GRM3: variants seen among roughly 807,000 people sequenced by gnomAD.
GRM3 encodes metabotropic glutamate receptor 3.
Under a neutral mutation model 70.5 loss-of-function variants are expected in GRM3, and 26 were observed. The ratio of observed to expected loss-of-function variants is 0.37; its 90% CI spans 0.27 to 0.51. The LOEUF (loss-of-function observed/expected upper bound fraction) is 0.51, where lower values mean the gene tolerates loss of function less well. GRM3 is among the 20% of genes least tolerant of loss of function. GRM3 has a pLI of 0.93. For synonymous variants in GRM3, 443 were observed against 434.9 expected, an observed-to-expected ratio of 1.02 and a Z score of -0.23; for missense variants, 859 against 1,123.8, an observed-to-expected ratio of 0.76 and a Z score of 3.37.
At chr7:86,707,140 A>G (rs1424526148) in intron 1 of GRM3, among the ~76,000 whole-genome samples, 1 of 152,124 alleles carries the variant, frequency 6.6e-6, no homozygotes, top group African/African-American at 2.4e-5. Context: ...CACTTTCCAC[A>G]TCTTGAATTT....
chr7:86,739,583 C>G (rs188384957), intron 1 of GRM3, among the ~76,000 whole-genome samples: 69 of 152,304 alleles, frequency 4.5e-4, no homozygotes, highest in African/African-American at 1.6e-3. Context: ...GCAGCATCCA[C>G]ATCAGCTGGG....
chr7:86,826,786 G>T (rs1329361753), intron 3 of GRM3, among the ~76,000 whole-genome samples: 1 of 152,130 alleles, frequency 6.6e-6, no homozygotes, highest in Non-Finnish European at 1.5e-5. Context: ...TGTTCTGAAG[G>T]TGTGTCTTGC....
chr7:86,706,267 C>T (rs1477427991), intron 1 of GRM3, among the ~76,000 whole-genome samples: 2 of 151,926 alleles, frequency 1.3e-5, no homozygotes, highest in Non-Finnish European at 2.9e-5. Context: ...GTGAGTAGAG[C>T]CCATCCTTTT....
At chr7:86,657,092 C>A (rs1232058041) in intron 1 of GRM3, among the ~76,000 whole-genome samples, 1 of 152,116 alleles carries the variant, frequency 6.6e-6, no homozygotes, top group Non-Finnish European at 1.5e-5. Context: ...CTTCTGAAGG[C>A]ATTTTCGATC....
chr7:86,864,453 A>C lies in GRM3; in HGVS notation c.*98A>C. ...GGAAACAGAGCAAAAGAACAACCCT[A>C]GTACCTTTTTTTAGAAACAGTACGA... On this transcript the variant is annotated 3_prime_UTR_variant, in exon 6 of 6. Transcript: ENST00000361669. 1.2e-6 allele frequency: 1 copy of C among 857,658 alleles called. No individual in the cohort carries two copies. Among genetic ancestry groups the C allele is most frequent in the Non-Finnish European group, 2.0e-6 (1 of 491,080 alleles). The allele number at this position is 857,658 out of a possible 1,614,324, so 53.1% of individuals were successfully genotyped here.
intron 1 of GRM3, among the ~76,000 whole-genome samples, chr7:86,727,849 G>T (rs1795626874): frequency 6.6e-6 from 1 of 151,944 alleles, no homozygotes; most frequent in South Asian, 2.1e-4. Flanking sequence ...ATGGAACACA[G>T]CTACACTCCT....
At chr7:86,706,685 G>A (rs1457887621) in intron 1 of GRM3, among the ~76,000 whole-genome samples, 1 of 151,914 alleles carries the variant, frequency 6.6e-6, no homozygotes, top group Non-Finnish European at 1.5e-5. Context: ...GAGGGAGAGA[G>A]GAGAGGTTAC....
At chr7:86,686,479 G>A (rs1403106289) in intron 1 of GRM3, among the ~76,000 whole-genome samples, 3 of 152,202 alleles carry the variant, frequency 2.0e-5, no homozygotes, top group Non-Finnish European at 4.4e-5. Context: ...ATATTTCAGA[G>A]ACGTTTTTAA....
At chr7:86,741,793 AAGGACC>A (rs1371535873) in intron 1 of GRM3, among the ~76,000 whole-genome samples, 1 of 152,202 alleles carries the variant, frequency 6.6e-6, no homozygotes, top group African/African-American at 2.4e-5. Flanking sequence ...GATGATTGCT[AAGGACC>A]ATTTTTGTTG....
chr7:86,737,102 G>A (rs1230121278), intron 1 of GRM3, among the ~76,000 whole-genome samples: 2 of 152,114 alleles, frequency 1.3e-5, no homozygotes, highest in Non-Finnish European at 2.9e-5. Context: ...TCAGCTGCTA[G>A]GTAAGATTTT....
intron 1 of GRM3, among the ~76,000 whole-genome samples, chr7:86,763,652 C>G (rs1330536574): frequency 6.6e-6 from 1 of 152,134 alleles, no homozygotes; most frequent in South Asian, 2.1e-4. Flanking sequence ...ACAGTAGCTA[C>G]AGTCAACTGT....
At chr7:86,743,155 T>G (rs1796026083) in intron 1 of GRM3, among the ~76,000 whole-genome samples, 1 of 152,170 alleles carries the variant, frequency 6.6e-6, no homozygotes, top group Non-Finnish European at 1.5e-5. Flanking sequence ...ATATAGCATG[T>G]TTTATGTGAA....
At chr7:86,673,767 T>A (rs1390880139) in intron 1 of GRM3, among the ~76,000 whole-genome samples, 3 of 152,082 alleles carry the variant, frequency 2.0e-5, no homozygotes, top group African/African-American at 7.2e-5. Flanking sequence ...GCTCCTCCTT[T>A]GTATGTCAGC....
At chr7:86,771,728 G>A (rs1444378964) in intron 2 of GRM3, among the ~76,000 whole-genome samples, 2 of 151,998 alleles carry the variant, frequency 1.3e-5, no homozygotes, top group African/African-American at 2.4e-5. Flanking sequence ...TAGAATCTGA[G>A]TATCAATTGG....
chr7:86,832,543 G>A (rs529345345), intron 3 of GRM3, among the ~76,000 whole-genome samples: 6 of 151,990 alleles, frequency 3.9e-5, no homozygotes, highest in African/African-American at 9.7e-5. Flanking sequence ...CAGCCACTGC[G>A]CCCGGCCACT....
intron 5 of GRM3, among the ~76,000 whole-genome samples, chr7:86,852,128 C>T (rs774988166): frequency 5.3e-5 from 8 of 152,100 alleles, no homozygotes; most frequent in Non-Finnish European, 1.0e-4. Context: ...ATTTCAAAGC[C>T]AGTGCACCTA....
chr7:86,799,408 G>A (rs1159079176), intron 3 of GRM3, among the ~76,000 whole-genome samples: 2 of 152,098 alleles, frequency 1.3e-5, no homozygotes, highest in Admixed American at 6.6e-5. Context: ...AGAGAGAGAG[G>A]GCATCCTTGT....
At chr7:86,790,407 T>G (rs1797376897) in intron 3 of GRM3, among the ~76,000 whole-genome samples, 1 of 152,176 alleles carries the variant, frequency 6.6e-6, no homozygotes, top group Non-Finnish European at 1.5e-5. Flanking sequence ...TACCACCATC[T>G]CTAGCCTACA....
At chr7:86,651,579 GT>G (rs1026044816) in intron 1 of GRM3, among the ~76,000 whole-genome samples, 2 of 152,060 alleles carry the variant, frequency 1.3e-5, no homozygotes, top group African/African-American at 4.8e-5. Flanking sequence ...GGAACATCTT[GT>G]TTTTCCTGAA....
Sources: gnomAD v4.1 joint callset for allele counts (sites outside exome capture counted in the v4.1 genomes callset) on GRCh38, gnomAD v4.1.1 for gene constraint, MANE v1.5 for transcripts, NCBI Gene and HGNC (gene_info 2026-07-23, HGNC 2026-07-21) for gene names.